PDE4D: variants seen among roughly 807,000 people sequenced by gnomAD.
PDE4D encodes phosphodiesterase 4D.
A neutral mutation model predicts 87.4 loss-of-function variants in PDE4D; 24 were observed. The observed-to-expected ratio is 0.27, with a 90% CI of 0.20 to 0.39. The LOEUF (loss-of-function observed/expected upper bound fraction) is 0.39, where lower values mean the gene tolerates loss of function less well. Ranked by LOEUF, PDE4D falls within the 10% of genes least tolerant of loss-of-function variation. The probability of loss-of-function intolerance (pLI) is 1.00; values close to 1 mark genes in which losing one functional copy is unlikely to be tolerated. For synonymous variants in PDE4D, 384 were observed against 383.2 expected, an observed-to-expected ratio of 1.00 and a Z score of -0.02; for missense variants, 714 against 1,041.0, an observed-to-expected ratio of 0.69 and a Z score of 4.32.
chr5:60,000,994 A>T (rs1763965029), intron 2 of PDE4D, among the ~76,000 whole-genome samples: 1 of 152,112 alleles, frequency 6.6e-6, no homozygotes, highest in South Asian at 2.1e-4. Context: ...ATTCCCACTT[A>T]GACTTGGCCC....
intron 1 of PDE4D, among the ~76,000 whole-genome samples, chr5:59,831,293 A>G (rs1729816022): frequency 7.0e-6 from 1 of 142,456 alleles, no homozygotes; most frequent in African/African-American, 2.7e-5. Flanking sequence ...AGATGAGGCC[A>G]GACTTGCTGC....
rs1804298968 is a variant in PDE4D, at chr5:59,481,767, A to G, written c.456-265799T>C. On this transcript the variant is annotated intron_variant, in intron 1 of 14. Transcript: ENST00000340635. ...CACAGTCCCTTTGTTGAAGCCATTC[A>G]TCATCTGGCTCTTCTCATTTCCCCT... Among the ~76,000 whole-genome samples the G allele has an allele frequency of 2.6e-5, 4 of 152,184 alleles. No homozygotes were observed. In the South Asian group the frequency reaches 8.3e-4, roughly 32 times the overall value.
intron 1 of PDE4D, among the ~76,000 whole-genome samples, chr5:60,288,123 G>A (rs1182213086): frequency 6.6e-6 from 1 of 152,192 alleles, no homozygotes; most frequent in Non-Finnish European, 1.5e-5. Context: ...GTTTGTGCAA[G>A]GATTATCATC....
chr5:60,136,231 CT>C (rs1222953292), intron 2 of PDE4D, among the ~76,000 whole-genome samples: 1 of 152,058 alleles, frequency 6.6e-6, no homozygotes, highest in Non-Finnish European at 1.5e-5. Context: ...TGCGCTACTG[CT>C]TTTTAAAATT....
intron 1 of PDE4D, among the ~76,000 whole-genome samples, chr5:59,588,326 T>A (rs1254128461): frequency 6.6e-6 from 1 of 152,158 alleles, no homozygotes; most frequent in Non-Finnish European, 1.5e-5. Flanking sequence ...GGAGCAAGAA[T>A]AAAATAGTAA....
At chr5:60,344,999 T>A (rs1188916849) in intron 1 of PDE4D, among the ~76,000 whole-genome samples, 1 of 151,172 alleles carries the variant, frequency 6.6e-6, no homozygotes, top group Non-Finnish European at 1.5e-5. Flanking sequence ...CTTTGACTTT[T>A]TTTGCAATCT....
intron 1 of PDE4D, among the ~76,000 whole-genome samples, chr5:60,201,053 C>A (rs1170341611): frequency 2.0e-5 from 3 of 147,068 alleles, no homozygotes; most frequent in African/African-American, 7.3e-5. Flanking sequence ...CAGAAAAATA[C>A]CCACTACCAC....
chr5:59,775,699 C>T (rs1027888321), intron 1 of PDE4D, among the ~76,000 whole-genome samples: 6 of 152,076 alleles, frequency 3.9e-5, no homozygotes, highest in Non-Finnish European at 5.9e-5. Flanking sequence ...AAGAAACAAA[C>T]GTTTGTTGTC....
At chr5:59,367,896 C>G (rs747161031) in intron 1 of PDE4D, among the ~76,000 whole-genome samples, 1 of 152,160 alleles carries the variant, frequency 6.6e-6, no homozygotes, top group Non-Finnish European at 1.5e-5. Context: ...GAGCAGAGCA[C>G]TTAATAGATG....
At chr5:59,933,794 A>ATATATATATATATATATATATATG (rs1756257935) in intron 3 of PDE4D, among the ~76,000 whole-genome samples, 2 of 140,162 alleles carry the variant, frequency 1.4e-5, no homozygotes, top group African/African-American at 6.0e-5. Flanking sequence ...ATATATATTA[A>ATATATATATATATATATATATATG]TAAGCATTCA....
At chr5:60,388,200 T>G (rs1762325395) in intron 1 of PDE4D, among the ~76,000 whole-genome samples, 1 of 152,092 alleles carries the variant, frequency 6.6e-6, no homozygotes, top group African/African-American at 2.4e-5. Flanking sequence ...TTATGGAGGC[T>G]TCATTACATA....
chr5:59,385,227 G>T (rs954051292), intron 1 of PDE4D, among the ~76,000 whole-genome samples: 4 of 152,062 alleles, frequency 2.6e-5, no homozygotes, highest in African/African-American at 9.7e-5. Context: ...GTTGATTATT[G>T]GATCTCATGA....
chr5:59,784,940 A>C (rs1581096751), intron 1 of PDE4D, among the ~76,000 whole-genome samples: 1 of 152,166 alleles, frequency 6.6e-6, no homozygotes, highest in Non-Finnish European at 1.5e-5. Context: ...GTCTGCCACC[A>C]TGTAAGACAT....
chr5:59,375,246 G>T (rs1470960617), intron 1 of PDE4D, among the ~76,000 whole-genome samples: 1 of 152,056 alleles, frequency 6.6e-6, no homozygotes, highest in East Asian at 1.9e-4. Flanking sequence ...GAATCCAGGA[G>T]TTGTTCTTTT....
intron 2 of PDE4D, among the ~76,000 whole-genome samples, chr5:60,148,152 C>T (rs1056469772): frequency 7.2e-5 from 11 of 152,144 alleles, no homozygotes; most frequent in Non-Finnish European, 1.3e-4. Context: ...TTATTACCCC[C>T]ACCAAGCAGT....
At chr5:59,251,954 A>G (rs1436508145) in intron 1 of PDE4D, among the ~76,000 whole-genome samples, 2 of 152,196 alleles carry the variant, frequency 1.3e-5, no homozygotes, top group Non-Finnish European at 2.9e-5. Flanking sequence ...TCTCACTTAT[A>G]AGTGGGAGCT....
rs1801280768 is a variant in PDE4D, at chr5:59,464,576, A to T, written c.456-248608T>A. Reference sequence around the variant, plus strand: ...CCTCTCAGAGAAACACCCACGAATGATCAATAAATACTAAGGGAACTCAGA... The same window carrying T: ...CCTCTCAGAGAAACACCCACGAATGTTCAATAAATACTAAGGGAACTCAGA... On this transcript the variant is annotated intron_variant, in intron 1 of 14. Coordinates refer to ENST00000340635, the MANE Select transcript of PDE4D (RefSeq NM_001104631.2). Among the ~76,000 whole-genome samples the T allele has an allele frequency of 4.6e-5, 7 of 152,186 alleles. No individual in the cohort carries two copies. In the South Asian group the frequency reaches 1.4e-3, roughly 32 times the overall value.
At chr5:59,875,641 G>T (rs796442780) in intron 1 of PDE4D, among the ~76,000 whole-genome samples, 37 of 151,934 alleles carry the variant, frequency 2.4e-4, no homozygotes, top group African/African-American at 8.0e-4. Context: ...TTATTTAGGT[G>T]TTCTTTCTGA....
In PDE4D at chr5:59,175,781, A is replaced by ATTT. The variant is rs57572403; in HGVS notation, c.808+4811_808+4813dup. Among the ~76,000 whole-genome samples the ATTT allele has an allele frequency of 3.9e-3, 372 of 94,554 alleles. 4 individuals carry two copies. The highest frequency in any genetic ancestry group is 0.014 in the African/African-American group (337 of 24,928). 62.0% of individuals were successfully genotyped at this position (94,554 alleles called of 152,430 possible). A position where few individuals can be genotyped will look rare whatever the true frequency, so the allele number is the denominator to read the frequency against. On this transcript the variant is annotated intron_variant, in intron 5 of 14. Coordinates refer to ENST00000340635, the MANE Select transcript of PDE4D (RefSeq NM_001104631.2). ...GCATGAGCCACCATGCCCGGCCTCC[A>ATTT]TTTTTTTTTTTTTTTTTTTTTTTTT...
Sources: allele counts gnomAD v4.1 joint callset (sites outside exome capture counted in the v4.1 genomes callset), GRCh38; gene constraint gnomAD v4.1.1; transcripts MANE v1.5; gene names NCBI Gene and HGNC (gene_info 2026-07-23, HGNC 2026-07-21).